SLC26A8: variants seen among roughly 807,000 people sequenced by gnomAD.
SLC26A8 encodes the protein testis anion transporter 1.
A neutral mutation model predicts 105.0 loss-of-function variants in SLC26A8; 70 were observed. The ratio of observed to expected loss-of-function variants is 0.67; its 90% CI spans 0.55 to 0.81. The LOEUF is 0.81. SLC26A8 is among the 40% of genes least tolerant of loss of function. The probability of loss-of-function intolerance (pLI) is 0.00; values close to 1 mark genes in which losing one functional copy is unlikely to be tolerated. For synonymous variants in SLC26A8, 415 were observed against 438.3 expected (o/e 0.95, Z 0.66); for missense variants, 998 against 1,181.8 (o/e 0.84, Z 2.28).
chr6:35,976,508 A>G (rs892780202), intron 9 of SLC26A8, among the ~76,000 whole-genome samples: 3 of 149,176 alleles, frequency 2.0e-5, no homozygotes, highest in African/African-American at 7.4e-5. Context: ...AAAGACAAAA[A>G]CTATTTCTGG....
chr6:36,008,391 ACC>A (rs1761753850), intron 3 of SLC26A8, among the ~76,000 whole-genome samples: 1 of 152,214 alleles, frequency 6.6e-6, no homozygotes, highest in African/African-American at 2.4e-5. Flanking sequence ...ACTTGAACAG[ACC>A]CTTCAAAGAA....
At chr6:36,002,205 A>G (rs994412687) in intron 3 of SLC26A8, among the ~76,000 whole-genome samples, 1 of 152,220 alleles carries the variant, frequency 6.6e-6, no homozygotes, top group African/African-American at 2.4e-5. Flanking sequence ...AGACCTCATC[A>G]GAGACTGGAA....
At chr6:35,966,427 GCAA>G (rs148003052) in intron 11 of SLC26A8, among the ~76,000 whole-genome samples, 6,148 of 152,198 alleles carry the variant, frequency 0.04, 142 homozygotes, top group Middle Eastern at 0.088. Context: ...AAAACAATAT[GCAA>G]CAACATTTTT....
Position 35,959,448 on chromosome 6 carries a change from G to A in SLC26A8, c.1863+12C>T, listed in dbSNP as rs1581632391. The A allele has an allele frequency of 6.3e-7, 1 of 1,590,924 alleles. No individual in the cohort carries two copies. Reference sequence around the variant, plus strand: ...ATGGAGAAAAACATAGGAAAGAAAAGGCATTTCTAACCCTGGGCAGCGGCT... The same window carrying A: ...ATGGAGAAAAACATAGGAAAGAAAAAGCATTTCTAACCCTGGGCAGCGGCT... On this transcript the variant is annotated intron_variant, in intron 16 of 19. Transcript: ENST00000490799.
chr6:35,988,174 G>C (rs1201607155), intron 7 of SLC26A8, among the ~76,000 whole-genome samples: 2 of 152,036 alleles, frequency 1.3e-5, no homozygotes, highest in East Asian at 3.9e-4. Flanking sequence ...GCCTCCCAAA[G>C]TGCTGAGATT....
At chr6:36,022,237 G>A (rs538861374) in intron 1 of SLC26A8, among the ~76,000 whole-genome samples, 1 of 152,354 alleles carries the variant, frequency 6.6e-6, no homozygotes, top group South Asian at 2.1e-4. Flanking sequence ...AAATTGCTGG[G>A]ATTACAGGCG....
intron 10 of SLC26A8, among the ~76,000 whole-genome samples, chr6:35,971,007 C>T (rs1772776943): frequency 6.6e-6 from 1 of 152,096 alleles, no homozygotes; most frequent in African/African-American, 2.4e-5. Flanking sequence ...GCCAGGGCAA[C>T]AAGAGCAAAA....
intron 17 of SLC26A8, among the ~76,000 whole-genome samples, chr6:35,952,232 C>T (rs1771905130): frequency 6.6e-6 from 1 of 152,132 alleles, no homozygotes; most frequent in Non-Finnish European, 1.5e-5. Flanking sequence ...CCCACTTCCC[C>T]CTGGAGTTTA....
chr6:35,957,040 T>A (rs570641328), intron 16 of SLC26A8, among the ~76,000 whole-genome samples: 1 of 151,236 alleles, frequency 6.6e-6, no homozygotes, highest in African/African-American at 2.4e-5. Flanking sequence ...CTGACCAACA[T>A]GGAGAAACCA....
Position 36,012,352 on chromosome 6 carries a change from A to T in SLC26A8, c.209T>A (p.Leu70Gln). The change falls in exon 3 of 20, where the codon CTA becomes CAA. Residue 70 changes from leucine to glutamine, a missense_variant. Transcript: ENST00000490799. The stretch of plus-strand genomic sequence containing the variant: ...GGGAAAGATTGTAAGCACGCATCGT[A>T]GGAACCTGTGCCATGAGCAGCTGTG... ...VQCRCSWHRF[L>Q]RCVLTIFPFL... 6.3e-7 allele frequency: 1 copy of T among 1,597,754 alleles called. No individual in the cohort carries two copies. Among genetic ancestry groups the T allele is most frequent in the Non-Finnish European group, 8.5e-7 (1 of 1,174,622 alleles).
chr6:35,987,707 A>G (rs1773581923), intron 7 of SLC26A8, among the ~76,000 whole-genome samples: 2 of 151,894 alleles, frequency 1.3e-5, no homozygotes, highest in African/African-American at 4.8e-5. Context: ...TCATCATCAC[A>G]GCAGGGGAGG....
chr6:35,996,453 G>C (rs1761352900), intron 5 of SLC26A8, among the ~76,000 whole-genome samples: 1 of 152,154 alleles, frequency 6.6e-6, no homozygotes, highest in African/African-American at 2.4e-5. Context: ...TTTAGCTGTG[G>C]TCCTTGTCAA....
intron 17 of SLC26A8, among the ~76,000 whole-genome samples, chr6:35,953,360 G>A (rs971956380): frequency 3.3e-5 from 5 of 151,124 alleles, no homozygotes; most frequent in African/African-American, 1.2e-4. Flanking sequence ...CAGAGAGAAA[G>A]TATGATATAA....
intron 19 of SLC26A8, among the ~76,000 whole-genome samples, chr6:35,949,499 G>A (rs1771785452): frequency 6.6e-6 from 1 of 151,720 alleles, no homozygotes; most frequent in African/African-American, 2.4e-5. Flanking sequence ...TTACATTAAA[G>A]AGTATAACAT....
chr6:35,971,972 G>A (rs1043607396), intron 10 of SLC26A8, among the ~76,000 whole-genome samples: 26 of 152,174 alleles, frequency 1.7e-4, no homozygotes, highest in African/African-American at 6.3e-4. Flanking sequence ...GCCTACTAGG[G>A]CTCATCACAT....
intron 1 of SLC26A8, among the ~76,000 whole-genome samples, chr6:36,023,081 G>A (rs1762164921): frequency 6.6e-6 from 1 of 151,578 alleles, no homozygotes; most frequent in African/African-American, 2.4e-5. Context: ...TATCTTTCAT[G>A]AGCCTTTCAG....
intron 7 of SLC26A8, among the ~76,000 whole-genome samples, chr6:35,988,763 G>A (rs561080260): frequency 1.7e-4 from 26 of 150,686 alleles, no homozygotes; most frequent in African/African-American, 6.1e-4. Flanking sequence ...CAATTTCTTT[G>A]TTATATATAT....
At chr6:35,960,468 C>A (rs1373391071) in intron 14 of SLC26A8, 1 of 198,980 alleles carries the variant, frequency 5.0e-6, no homozygotes, top group Non-Finnish European at 1.0e-5. Flanking sequence ...CCAGCCTGGG[C>A]AACATGGTGA....
intron 3 of SLC26A8, among the ~76,000 whole-genome samples, chr6:36,001,641 G>C (rs1761526679): frequency 6.6e-6 from 1 of 152,236 alleles, no homozygotes; most frequent in Admixed American, 6.5e-5. Flanking sequence ...AATCTATGCA[G>C]TCAAGACAGA....
Sources: gnomAD v4.1 joint callset for allele counts (sites outside exome capture counted in the v4.1 genomes callset) on GRCh38, gnomAD v4.1.1 for gene constraint, MANE v1.5 for transcripts, NCBI Gene and HGNC (gene_info 2026-07-23, HGNC 2026-07-21) for gene names.